MAPDA: variants seen among roughly 807,000 people sequenced by gnomAD.
MAPDA encodes N6,N6-dimethyl-AMP deaminase.
At chr15:43,351,762 G>A in the MAPDA span, 44 of 1,547,356 alleles carry the variant, frequency 2.8e-5, no homozygotes, top group Non-Finnish European at 3.7e-5. Flanking sequence ...CTGATGATAA[G>A]GGTGTTTTTG....
At chr15:43,351,938 A>G in the MAPDA span, 7 of 1,550,214 alleles carry the variant, frequency 4.5e-6, no homozygotes, top group South Asian at 8.4e-5. Context: ...AGAGTGTTAC[A>G]TATTTAAGCT....
the MAPDA span, chr15:43,347,183 TTGGAAAAACATTTTTTAAAAA>T: frequency 1.8e-6 from 2 of 1,092,536 alleles, no homozygotes; most frequent in Non-Finnish European, 2.7e-6. Flanking sequence ...TAAACCGGGA[TTGGAAAAACATTTTTTAAAAA>T]GGGAAAGTAG....
chr15:43,354,484 C>T, the MAPDA span: 2 of 152,092 alleles, frequency 1.3e-5, no homozygotes, highest in Admixed American at 6.6e-5. Flanking sequence ...ATAATATATT[C>T]AATGAAAATA....
the MAPDA span, chr15:43,351,772 G>A: frequency 6.5e-7 from 1 of 1,547,258 alleles, no homozygotes. Flanking sequence ...GGGTGTTTTT[G>A]CAACACACCT....
At chr15:43,346,557 C>T in the MAPDA span, among the ~76,000 whole-genome samples, 106 of 152,350 alleles carry the variant, frequency 7.0e-4, no homozygotes, top group African/African-American at 2.4e-3. Context: ...CAGAATTGCT[C>T]CTGGTTGAAA....
chr15:43,345,831 A>G, the MAPDA span: 16 of 1,613,770 alleles, frequency 9.9e-6, no homozygotes, highest in Non-Finnish European at 5.1e-6. Flanking sequence ...TTAGTTTTCA[A>G]CTCTGTCTTT....
the MAPDA span, among the ~76,000 whole-genome samples, chr15:43,338,231 T>C: frequency 6.6e-6 from 1 of 152,190 alleles, no homozygotes; most frequent in Non-Finnish European, 1.5e-5. Context: ...AGGGTGACAA[T>C]GGGGTGCCCC....
chr15:43,330,563 C>T, the MAPDA span: 2 of 1,467,190 alleles, frequency 1.4e-6, no homozygotes, highest in South Asian at 1.5e-5. Flanking sequence ...ACCTCACGGA[C>T]CTCGGTAGGG....
the MAPDA span, chr15:43,330,497 A>G: frequency 1.3e-6 from 2 of 1,516,194 alleles, no homozygotes; most frequent in Non-Finnish European, 8.8e-7. Context: ...CATGGCCAGA[A>G]GAGACTCAGG....
chr15:43,333,707 A>G, the MAPDA span, among the ~76,000 whole-genome samples: 1 of 152,204 alleles, frequency 6.6e-6, no homozygotes, highest in African/African-American at 2.4e-5. Context: ...TTGATTTTCA[A>G]TACAGTAATA....
the MAPDA span, chr15:43,348,967 C>T: frequency 1.2e-6 from 2 of 1,614,126 alleles, no homozygotes; most frequent in East Asian, 2.2e-5. Context: ...CAGAATCGGG[C>T]ATGGAACATT....
At chr15:43,338,199 C>G in the MAPDA span, among the ~76,000 whole-genome samples, 1 of 152,264 alleles carries the variant, frequency 6.6e-6, no homozygotes, top group East Asian at 1.9e-4. Context: ...TGCATTTGAC[C>G]TAGTGCTACT....
At chr15:43,335,614 G>C in the MAPDA span, 1 of 1,447,698 alleles carries the variant, frequency 6.9e-7, no homozygotes, top group African/African-American at 1.4e-5. Context: ...TTTGCCTATT[G>C]CAAACTACCA....
chr15:43,335,868 A>C, the MAPDA span: 1 of 1,585,706 alleles, frequency 6.3e-7, no homozygotes, highest in African/African-American at 1.4e-5. Flanking sequence ...TTTTTTCTCT[A>C]TCAGTATTTT....
At chr15:43,351,655 C>A in the MAPDA span, 2 of 1,178,694 alleles carry the variant, frequency 1.7e-6, no homozygotes, top group Non-Finnish European at 2.3e-6. Flanking sequence ...TTGAAAGAAG[C>A]ATAGTAAATA....
At chr15:43,345,421 A>G in the MAPDA span, among the ~76,000 whole-genome samples, 1 of 152,134 alleles carries the variant, frequency 6.6e-6, no homozygotes, top group Non-Finnish European at 1.5e-5. Flanking sequence ...AATCCAGACC[A>G]TGGAAAACTT....
chr15:43,345,835 T>C, the MAPDA span: 1 of 1,614,016 alleles, frequency 6.2e-7, no homozygotes, highest in Non-Finnish European at 8.5e-7. Context: ...TTTTCAACTC[T>C]GTCTTTCTTA....
chr15:43,339,184 A>T, the MAPDA span, among the ~76,000 whole-genome samples: 1 of 152,206 alleles, frequency 6.6e-6, no homozygotes, highest in Admixed American at 6.5e-5. Flanking sequence ...TCATGATGGC[A>T]TGGAGGCTGC....
the MAPDA span, among the ~76,000 whole-genome samples, chr15:43,337,150 C>A: frequency 6.4e-4 from 97 of 151,078 alleles, 2 homozygotes; most frequent in African/African-American, 2.3e-3. Flanking sequence ...GTGGCGGGTG[C>A]CTGTAGTCCC....
Sources: gnomAD v4.1 joint callset for allele counts (sites outside exome capture counted in the v4.1 genomes callset) on GRCh38, gnomAD v4.1.1 for gene constraint, MANE v1.5 for transcripts, NCBI Gene and HGNC (gene_info 2026-07-23, HGNC 2026-07-21) for gene names.